WDR4: variants seen among roughly 807,000 people sequenced by gnomAD.
WDR4 encodes WDR4 tRNA N7-guanosine methyltransferase non-catalytic subunit.
In WDR4, 47 loss-of-function variants were observed where a neutral mutation model predicts 48.6. The ratio of observed to expected loss-of-function variants is 0.97; its 90% confidence interval spans 0.77 to 1.23. The LOEUF is 1.23. Among genes scored for constraint, WDR4 ranks in the 50% most tolerant of loss-of-function variants. The pLI is 0.00. For missense variants in WDR4, 606 were observed against 551.6 expected, an observed-to-expected ratio of 1.10 and a Z score of -0.99; for synonymous variants, 268 against 230.0, an observed-to-expected ratio of 1.17 and a Z score of -1.49.
chr21:42,855,877 C>T (rs1026099952), intron 6 of WDR4, 97 bp from the exon 7 acceptor site: 5 of 889,268 alleles, frequency 5.6e-6, no homozygotes, highest in South Asian at 2.5e-5. Flanking sequence ...GGTTCCACTC[C>T]GTGACAGCCA....
chr21:42,845,734 C>G (rs62215009), downstream of WDR4, among the ~76,000 whole-genome samples: 3,985 of 152,304 alleles, frequency 0.026, 74 homozygotes, highest in Middle Eastern at 0.058. Context: ...GGGTCGGGGT[C>G]TGGGATGAAG....
chr21:42,882,466 G>A (rs893535789), upstream of WDR4, among the ~76,000 whole-genome samples: 2 of 151,514 alleles, frequency 1.3e-5, no homozygotes, highest in African/African-American at 2.4e-5. Flanking sequence ...AGAAGGCTGA[G>A]GCAGGAGAAT....
rs114764420 is a variant in WDR4 at position 42,859,832 on chromosome 21, C to T, written c.567-110G>A. ...AAGGAAGAGAAGCCTCTGCCCTAAA[C>T]CCCCTGATCCAATAAAAACAGCCAA... is the stretch of plus-strand genomic sequence containing the variant. On this transcript the variant is annotated intron_variant, in intron 5 of 10. Coordinates refer to ENST00000398208, the MANE Select transcript of WDR4 (RefSeq NM_018669.6). 5.7e-4 allele frequency: 627 copies of T among 1,109,570 alleles called. 4 individuals carry two copies. The African/African-American group carries it at 8.8e-3, about 16-fold the overall frequency. 68.7% of individuals were successfully genotyped at this position (1,109,570 alleles called of 1,614,324 possible).
rs766868292 is a variant in WDR4 at position 42,852,244 on chromosome 21, C to T, written c.1045+11G>A. 10 of 1,613,832 alleles carry T rather than the reference C, an allele frequency of 6.2e-6. No homozygotes were observed. Among genetic ancestry groups the T allele is most frequent in the Admixed American group, 5.0e-5 (3 of 59,994 alleles). The stretch of plus-strand genomic sequence containing the variant: ...GTGACCCCCAAGGGCAGCCTGCACC[C>T]GTGCTCTCACCTTCCAGCATGGCCC... On this transcript the variant is annotated intron_variant, in intron 10 of 10. Transcript: ENST00000398208.
rs1282654264 is a variant in WDR4 at position 42,852,232 on chromosome 21, G to A, written c.1045+23C>T. 5.6e-6 allele frequency: 9 copies of A among 1,613,474 alleles called. No individual in the cohort carries two copies. In the Admixed American group the frequency reaches 6.7e-5, roughly 12 times the overall value. On this transcript the variant is annotated intron_variant, in intron 10 of 10. Transcript: ENST00000398208. ...ACCGCGCTGGGTGTGACCCCCAAGGGCAGCCTGCACCCGTGCTCTCACCTT... is the reference window on the plus strand; with the variant it reads ...ACCGCGCTGGGTGTGACCCCCAAGGACAGCCTGCACCCGTGCTCTCACCTT...
chr21:42,880,969 G>A (rs1234277301), upstream of WDR4, among the ~76,000 whole-genome samples: 1 of 146,946 alleles, frequency 6.8e-6, no homozygotes, highest in Non-Finnish European at 1.5e-5. Flanking sequence ...TCGCTCTGTC[G>A]CCCAGGCTGA....
chr21:42,889,871 A>G, the WDR4 span, among the ~76,000 whole-genome samples: 1 of 152,054 alleles, frequency 6.6e-6, no homozygotes, highest in Non-Finnish European at 1.5e-5. Flanking sequence ...GTTTTCCATA[A>G]TATCTAGTGA....
intron 6 of WDR4, 81 bp from the exon 7 acceptor site, chr21:42,855,861 G>T: frequency 8.3e-7 from 1 of 1,206,930 alleles, no homozygotes; most frequent in Non-Finnish European, 1.1e-6. Context: ...AGCTGCGTGT[G>T]GTCGGGGTTC....
chr21:42,863,370 A>C, intron 4 of WDR4, 70 bp downstream of exon 4: 1 of 1,537,748 alleles, frequency 6.5e-7, no homozygotes, highest in Non-Finnish European at 8.8e-7. Context: ...CGTATGCCCC[A>C]CGTGCCACGT....
chr21:42,850,294 C>G (rs749107749), intron 10 of WDR4, 52 bp from the exon 11 acceptor site: 2 of 1,498,468 alleles, frequency 1.3e-6, no homozygotes, highest in Non-Finnish European at 1.8e-6. Flanking sequence ...ACATGGGACT[C>G]GGCCACCACA....
upstream of WDR4, among the ~76,000 whole-genome samples, chr21:42,880,231 T>TA (rs779000750): frequency 3.2e-4 from 48 of 151,974 alleles, no homozygotes; most frequent in Non-Finnish European, 6.5e-4. Flanking sequence ...TCTTTGCACT[T>TA]AGACAAGCCA....
chr21:42,869,938 A>T (rs1442366998), intron 3 of WDR4, among the ~76,000 whole-genome samples: 3 of 150,896 alleles, frequency 2.0e-5, no homozygotes, highest in Admixed American at 6.6e-5. Context: ...ACTTGAACCC[A>T]GGAGGCGGAG....
chr21:42,891,414 G>A, the WDR4 span, among the ~76,000 whole-genome samples: 6 of 152,036 alleles, frequency 3.9e-5, no homozygotes, highest in African/African-American at 1.4e-4. Flanking sequence ...CCACGCCAGA[G>A]GAGGTCTTTT....
At chr21:42,846,024 C>A (rs548142850), downstream of WDR4, among the ~76,000 whole-genome samples, 7 of 152,208 alleles carry the variant, frequency 4.6e-5, no homozygotes, top group African/African-American at 1.4e-4. Flanking sequence ...CCCAGCTACT[C>A]AGGAGACTGA....
chr21:42,875,016 C>A (rs2058459881), intron 2 of WDR4, among the ~76,000 whole-genome samples: 1 of 152,118 alleles, frequency 6.6e-6, no homozygotes, highest in Non-Finnish European at 1.5e-5. Context: ...TGTGATGTCT[C>A]CCCCGGACGC....
intron 7 of WDR4, among the ~76,000 whole-genome samples, chr21:42,855,023 G>A (rs1569317058): frequency 6.6e-6 from 1 of 152,058 alleles, no homozygotes; most frequent in Non-Finnish European, 1.5e-5. Flanking sequence ...GTGCACAGTG[G>A]CTCACGCCTT....
chr21:42,879,672 T>C, upstream of WDR4: 2 of 711,272 alleles, frequency 2.8e-6, no homozygotes, highest in Non-Finnish European at 4.4e-6. Context: ...GCCCTCCGGG[T>C]TGTGGCTGGT....
At chr21:42,844,589 G>A (rs953802978), downstream of WDR4, among the ~76,000 whole-genome samples, 4 of 152,188 alleles carry the variant, frequency 2.6e-5, no homozygotes, top group African/African-American at 9.7e-5. Context: ...ACCCCACGTC[G>A]GCTGAGACGC....
intron 7 of WDR4, among the ~76,000 whole-genome samples, chr21:42,854,932 G>A (rs1843910370): frequency 6.6e-6 from 1 of 152,094 alleles, no homozygotes; most frequent in Non-Finnish European, 1.5e-5. Flanking sequence ...GGGAAAGGAA[G>A]AGATGAGAGC....
Sources: allele counts gnomAD v4.1 joint callset (sites outside exome capture counted in the v4.1 genomes callset), GRCh38; gene constraint gnomAD v4.1.1; transcripts MANE v1.5; gene names NCBI Gene and HGNC (gene_info 2026-07-23, HGNC 2026-07-21).